BICRA: variants seen among roughly 807,000 people sequenced by gnomAD.
BICRA encodes the protein BRD4-interacting chromatin-remodeling complex-associated protein.
In BICRA, 31 loss-of-function variants were observed where a neutral mutation model predicts 96.9. The observed-to-expected ratio is 0.32, with a 90% CI of 0.24 to 0.43. BICRA has a LOEUF of 0.43. BICRA is among the 20% of genes least tolerant of loss of function. The pLI, the probability that BICRA is intolerant of heterozygous loss-of-function variation, is 1.00. For missense variants in BICRA, 2,283 were observed against 2,190.3 expected (o/e 1.04, Z -0.84); for synonymous variants, 1,350 against 1,071.8 (o/e 1.26, Z -5.07).
rs1280917153 is a variant in BICRA at position 47,681,073 on chromosome 19, C to G, written c.1903C>G (p.Leu635Val). 1 of 1,442,466 alleles carries G rather than the reference C, an allele frequency of 6.9e-7. No homozygotes were observed. Among genetic ancestry groups the G allele is most frequent in the Admixed American group, 2.5e-5 (1 of 40,270 alleles). The allele number at this position is 1,442,466 out of a possible 1,614,324, so 89.4% of individuals were successfully genotyped here. Residue 635 changes from leucine to valine, a missense_variant, in exon 6 of 15, where the codon CTG becomes GTG. Physicochemically the swap from Leu to Val is conservative, Grantham distance 32 (BLOSUM62 1). Transcript: ENST00000594866. ...PQAPPAVSTP[L>V]PLGLQQPQAQ... The stretch of plus-strand genomic sequence containing the variant: ...GGCGCCCCCCGCGGTCAGCACACCC[C>G]TGCCCCTGGGCCTCCAGCAGCCGCA...
Position 47,675,843 on chromosome 19 carries a change from TG to T in BICRA, c.85-7del. 6.2e-7 allele frequency: 1 copy of T among 1,601,740 alleles called. No individual in the cohort carries two copies. The highest frequency in any genetic ancestry group is 1.3e-5 in the African/African-American group (1 of 74,944). On this transcript the variant is annotated splice_region_variant and splice_polypyrimidine_tract_variant and intron_variant, in intron 4 of 14. Coordinates refer to ENST00000594866, the MANE Select transcript of BICRA (RefSeq NM_001394372.1). The surrounding 1 kb of genome is among the most constrained non-coding windows in gnomAD (Gnocchi z 4.7). ...TTTTGACCTTGGATGGGGCGGGTCT[TG>T]TTGCAGCTTGACAGTGATGACCTCC...
In BICRA at chr19:47,673,700, C is replaced by T; in HGVS notation, c.42-20C>T. ...CCCCAGCTCCTTACCTCCTCAGCGT[C>T]TCTTCCTCTTCTCTTCCAGTGACCC... On this transcript the variant is annotated intron_variant, in intron 3 of 14. Coordinates refer to ENST00000594866, the MANE Select transcript of BICRA (RefSeq NM_001394372.1). The T allele has an allele frequency of 6.2e-7, 1 of 1,608,758 alleles. No individual in the cohort carries two copies. Among genetic ancestry groups the T allele is most frequent in the Non-Finnish European group, 8.5e-7 (1 of 1,176,022 alleles).
chr19:47,646,018 A>G (rs1972453866), intron 1 of BICRA, among the ~76,000 whole-genome samples: 1 of 152,170 alleles, frequency 6.6e-6, no homozygotes, highest in African/African-American at 2.4e-5. Context: ...GGATCTCTTG[A>G]GCCCAGGAAG....
chr19:47,631,595 C>T (rs2123523241), intron 1 of BICRA, among the ~76,000 whole-genome samples: 1 of 152,260 alleles, frequency 6.6e-6, no homozygotes, highest in South Asian at 2.1e-4. Flanking sequence ...AAACTCCTGG[C>T]CTCAAGTGAT....
intron 1 of BICRA, among the ~76,000 whole-genome samples, chr19:47,651,343 C>T (rs1201326241): frequency 6.6e-6 from 1 of 152,110 alleles, no homozygotes; most frequent in Non-Finnish European, 1.5e-5. Context: ...GAGGCGCCCA[C>T]GTGATTCTGC....
Position 47,649,564 on chromosome 19 carries a change from A to G in BICRA, c.-107-20879A>G, listed in dbSNP as rs1024671790. ...ATTGATTACCTGTCCAACAGAATCT[A>G]TTTTATCTCTGAGGTTAGGGAATTA... On this transcript the variant is annotated intron_variant, in intron 1 of 14. Transcript: ENST00000594866. Among the ~76,000 whole-genome samples the G allele has an allele frequency of 2.6e-5, 4 of 152,292 alleles. No individual in the cohort carries two copies. The East Asian group carries it at 5.8e-4, about 22-fold the overall frequency.
chr19:47,623,901 G>GA (rs1215195769), intron 1 of BICRA, among the ~76,000 whole-genome samples: 1 of 151,142 alleles, frequency 6.6e-6, no homozygotes, highest in Non-Finnish European at 1.5e-5. Context: ...GCCCAGGCTG[G>GA]AGTGCAGTGG....
rs1415135661 is a variant in BICRA at position 47,702,298 on chromosome 19, G to A, written c.4566G>A (p.Ser1522=). Reference sequence around the variant, plus strand: ...CCCCCGGCCGGACGCCCGCGCCCTCGTACCCCCACGCTGCCTCGGCCGGCA... The same window carrying A: ...CCCCCGGCCGGACGCCCGCGCCCTCATACCCCCACGCTGCCTCGGCCGGCA... ...QQAPGRTPAP[S]YPHAASAGTP... The change falls in exon 15 of 15, where the codon TCG becomes TCA. Residue 1522 remains serine (S), a synonymous_variant. Transcript: ENST00000594866. 4.4e-6 allele frequency: 7 copies of A among 1,586,300 alleles called. No individual in the cohort carries two copies. Among genetic ancestry groups the A allele is most frequent in the Admixed American group, 3.4e-5 (2 of 58,688 alleles).
At chr19:47,660,221 C>G (rs1214116804) in intron 1 of BICRA, among the ~76,000 whole-genome samples, 1 of 152,120 alleles carries the variant, frequency 6.6e-6, no homozygotes, top group East Asian at 1.9e-4. Flanking sequence ...GTCCAGCCCC[C>G]GGAGCTCTAG....
chr19:47,626,800 C>G (rs1440111456), intron 1 of BICRA, among the ~76,000 whole-genome samples: 1 of 148,624 alleles, frequency 6.7e-6, no homozygotes, highest in African/African-American at 2.5e-5. Context: ...CAGCTCACTG[C>G]AACCTCCACC....
At chr19:47,633,895 T>A (rs1433762105) in intron 1 of BICRA, among the ~76,000 whole-genome samples, 1 of 152,256 alleles carries the variant, frequency 6.6e-6, no homozygotes, top group Non-Finnish European at 1.5e-5. Flanking sequence ...AATGGATTGC[T>A]GGGTGTCTCA....
intron 7 of BICRA, among the ~76,000 whole-genome samples, 161 bp downstream of exon 7, chr19:47,682,313 A>T (rs1176371471): frequency 6.6e-6 from 1 of 152,168 alleles, no homozygotes; most frequent in African/African-American, 2.4e-5. Context: ...GTGATCATGG[A>T]TGCCTGAGAC....
intron 1 of BICRA, among the ~76,000 whole-genome samples, chr19:47,625,572 C>T (rs1398264893): frequency 1.3e-5 from 2 of 152,026 alleles, no homozygotes; most frequent in Non-Finnish European, 2.9e-5. Flanking sequence ...GCCAGGTGAC[C>T]TTTATACAGA....
chr19:47,673,791 C>A (rs1256427119), intron 4 of BICRA, 29 bp downstream of exon 4: 6 of 1,588,076 alleles, frequency 3.8e-6, no homozygotes, highest in Admixed American at 1.7e-5. Flanking sequence ...AGAGGCATTC[C>A]CTGAGTGGGG....
chr19:47,648,832 G>A (rs866393468), intron 1 of BICRA, among the ~76,000 whole-genome samples: 4 of 150,966 alleles, frequency 2.6e-5, no homozygotes, highest in Admixed American at 2.0e-4. Context: ...GACTACAGGC[G>A]TGCACCACCA....
At chr19:47,693,191 G>T (rs1973266396) in intron 7 of BICRA, among the ~76,000 whole-genome samples, 1 of 152,246 alleles carries the variant, frequency 6.6e-6, no homozygotes, top group Admixed American at 6.5e-5. Flanking sequence ...GTGCCCACTG[G>T]TTACACAGTG....
intron 1 of BICRA, among the ~76,000 whole-genome samples, chr19:47,630,216 A>C (rs570769190): frequency 7.2e-6 from 1 of 138,964 alleles, no homozygotes; most frequent in South Asian, 2.3e-4. Flanking sequence ...GCTGGAGTGC[A>C]GTGGCGCAAT....
intron 1 of BICRA, among the ~76,000 whole-genome samples, chr19:47,655,698 CA>C (rs1394233958): frequency 1.4e-5 from 2 of 147,564 alleles, no homozygotes; most frequent in Non-Finnish European, 1.5e-5. Context: ...ACTAAAAATA[CA>C]AAAAAAATGA....
rs1444654522 is a variant in BICRA at position 47,699,455 on chromosome 19, A to G, written c.3595+50A>G. The G allele has an allele frequency of 1.9e-6, 2 of 1,036,750 alleles. No homozygotes were observed. Among genetic ancestry groups the G allele is most frequent in the Non-Finnish European group, 2.9e-6 (2 of 678,676 alleles). 64.2% of individuals were successfully genotyped at this position (1,036,750 alleles called of 1,614,324 possible). The stretch of plus-strand genomic sequence containing the variant: ...GGGGAGGGAGAGGTGCCCCCACCCC[A>G]CCTGGGCAGAAGAGTTAGATTCAGG... On this transcript the variant is annotated intron_variant, in intron 14 of 14. Transcript: ENST00000594866. The surrounding 1 kb of genome is among the most constrained non-coding windows in gnomAD (Gnocchi z 5.0).
Sources: allele counts gnomAD v4.1 joint callset (sites outside exome capture counted in the v4.1 genomes callset), GRCh38; gene constraint gnomAD v4.1.1; non-coding constraint Gnocchi (gnomAD v3.1); transcripts MANE v1.5; gene names NCBI Gene and HGNC (gene_info 2026-07-23, HGNC 2026-07-21).